The following CSMD1 variants were observed in gnomAD, a reference collection of about 807,000 sequenced individuals.
CSMD1 encodes CUB and Sushi multiple domains 1.
Under a neutral mutation model 417.5 loss-of-function variants are expected in CSMD1, and 213 were observed. That is an observed-to-expected ratio of 0.51 (90% CI 0.46 to 0.57). CSMD1 has a LOEUF of 0.57. Among genes scored for constraint, CSMD1 ranks in the 20% least tolerant of loss-of-function variants. CSMD1 has a pLI of 0.00. For missense variants in CSMD1, 6,923 were observed against 4,529.7 expected (o/e 1.53, Z -15.17); for synonymous variants, 2,862 against 1,736.8 (o/e 1.65, Z -16.11).
chr8:2,964,659 G>A (rs1253088237), intron 59 of CSMD1, among the ~76,000 whole-genome samples: 3 of 152,304 alleles, frequency 2.0e-5, no homozygotes, highest in East Asian at 1.9e-4. Context: ...CCGACACAAC[G>A]TAGTGCATTT....
At chr8:4,298,226 C>T (rs1367305642) in intron 3 of CSMD1, among the ~76,000 whole-genome samples, 4 of 152,270 alleles carry the variant, frequency 2.6e-5, no homozygotes, top group African/African-American at 7.2e-5. Context: ...CCAATCTTTG[C>T]TTCCTGTTTC....
chr8:3,688,683 T>C (rs1418744467), intron 7 of CSMD1, among the ~76,000 whole-genome samples: 1 of 152,202 alleles, frequency 6.6e-6, no homozygotes, highest in African/African-American at 2.4e-5. Flanking sequence ...TTCTGCAATA[T>C]TTCTGTAGGG....
intron 1 of CSMD1, among the ~76,000 whole-genome samples, chr8:4,971,515 G>C (rs1810235341): frequency 6.6e-6 from 1 of 151,910 alleles, no homozygotes; most frequent in African/African-American, 2.4e-5. Context: ...AAATGATGAA[G>C]AATTTATTTT....
rs538206051 is a variant in CSMD1, at chr8:3,448,917, T to C, written c.1561+19795A>G. On this transcript the variant is annotated intron_variant, in intron 12 of 69. Coordinates refer to ENST00000635120, the MANE Select transcript of CSMD1 (RefSeq NM_033225.6). ...GAAGAAGCACCTCCCTATGTATGAA[T>C]GAGCCACCTTCCCCCAAGAGTAAAT... Among the ~76,000 whole-genome samples, 3 of 152,328 alleles carry C rather than the reference T, an allele frequency of 2.0e-5. No homozygotes were observed. In the East Asian group the frequency reaches 5.8e-4, roughly 29 times the overall value.
At chr8:3,945,065 A>T (rs1811129576) in intron 5 of CSMD1, among the ~76,000 whole-genome samples, 1 of 152,008 alleles carries the variant, frequency 6.6e-6, no homozygotes, top group Admixed American at 6.6e-5. Flanking sequence ...CCCTCATTTT[A>T]TAAATGTTTA....
chr8:4,937,480 G>T (rs908447613), intron 1 of CSMD1, among the ~76,000 whole-genome samples: 1 of 152,160 alleles, frequency 6.6e-6, no homozygotes, highest in African/African-American at 2.4e-5. Context: ...TTATGTGTTG[G>T]ATGAAAAGAG....
intron 5 of CSMD1, among the ~76,000 whole-genome samples, chr8:3,993,260 G>C (rs1814899871): frequency 6.6e-6 from 1 of 152,196 alleles, no homozygotes; most frequent in Non-Finnish European, 1.5e-5. Context: ...ACAACATGAG[G>C]AGGGAGAACA....
At chr8:3,738,828 C>G (rs933547685) in intron 6 of CSMD1, among the ~76,000 whole-genome samples, 1 of 152,146 alleles carries the variant, frequency 6.6e-6, no homozygotes, top group Admixed American at 6.6e-5. Context: ...CCATGTTTCT[C>G]TTCATCTAAA....
rs1183865244 is a variant in CSMD1, at chr8:2,940,916, T to C, written c.10535+1556A>G. Among the ~76,000 whole-genome samples the C allele has an allele frequency of 2.6e-5, 4 of 152,220 alleles. No homozygotes were observed. The East Asian group carries it at 7.7e-4, about 29-fold the overall frequency. On this transcript the variant is annotated intron_variant, in intron 69 of 69. Transcript: ENST00000635120. ...TATGTGTCTCTATAAGGATATTATA[T>C]GACCCAGAGGAACCCGTGAAAGAAG...
intron 3 of CSMD1, among the ~76,000 whole-genome samples, chr8:4,255,502 G>A (rs117786272): frequency 0.01 from 1,554 of 152,320 alleles, 13 homozygotes; most frequent in South Asian, 0.031. Context: ...TTTGAAATGT[G>A]CAATAGCAGT....
intron 3 of CSMD1, among the ~76,000 whole-genome samples, chr8:4,157,549 C>T (rs757077305): frequency 1.3e-5 from 2 of 152,136 alleles, no homozygotes; most frequent in South Asian, 2.1e-4. Context: ...TAGTCAATGA[C>T]TGTGTTGTCA....
chr8:3,309,628 G>A (rs1488184279), intron 23 of CSMD1, among the ~76,000 whole-genome samples: 1 of 149,592 alleles, frequency 6.7e-6, no homozygotes, highest in African/African-American at 2.4e-5. Flanking sequence ...ATTGTAAAAG[G>A]GAGAGCTGGA....
intron 8 of CSMD1, among the ~76,000 whole-genome samples, chr8:3,607,624 C>T (rs1801682159): frequency 6.6e-6 from 1 of 152,170 alleles, no homozygotes; most frequent in Non-Finnish European, 1.5e-5. Context: ...CCATTAAAAT[C>T]TTAAGGGAAA....
At chr8:3,117,485 T>C (rs953596708) in intron 42 of CSMD1, among the ~76,000 whole-genome samples, 2 of 152,224 alleles carry the variant, frequency 1.3e-5, no homozygotes, top group African/African-American at 4.8e-5. Context: ...AGGATACAAG[T>C]GCTTAGCATT....
intron 11 of CSMD1, among the ~76,000 whole-genome samples, chr8:3,490,436 T>C (rs1163833005): frequency 6.6e-6 from 1 of 152,208 alleles, no homozygotes. Flanking sequence ...CCTGCCTGCA[T>C]TTATATTTTA....
intron 5 of CSMD1, among the ~76,000 whole-genome samples, chr8:3,903,911 C>G (rs758370426): frequency 6.6e-6 from 1 of 152,108 alleles, no homozygotes; most frequent in African/African-American, 2.4e-5. Context: ...ACGTGGCACA[C>G]TACCATGTAC....
At chr8:3,069,487 T>C (rs1813181064) in intron 49 of CSMD1, among the ~76,000 whole-genome samples, 1 of 152,082 alleles carries the variant, frequency 6.6e-6, no homozygotes, top group Admixed American at 6.5e-5. Flanking sequence ...CATTCAAGTT[T>C]GACACCCAGC....
intron 8 of CSMD1, among the ~76,000 whole-genome samples, chr8:3,612,871 G>C (rs1241072074): frequency 6.6e-6 from 1 of 151,846 alleles, no homozygotes; most frequent in Non-Finnish European, 1.5e-5. Context: ...TAAGAGACTA[G>C]AAAAAGAAGA....
intron 3 of CSMD1, among the ~76,000 whole-genome samples, chr8:4,141,430 A>C (rs1803783283): frequency 6.6e-6 from 1 of 151,264 alleles, no homozygotes; most frequent in Admixed American, 6.6e-5. Flanking sequence ...AGTGATACCT[A>C]TCATTTAGAT....
Sources: allele counts gnomAD v4.1 joint callset (sites outside exome capture counted in the v4.1 genomes callset), GRCh38; gene constraint gnomAD v4.1.1; transcripts MANE v1.5; gene names NCBI Gene and HGNC (gene_info 2026-07-23, HGNC 2026-07-21).